Variants in BRSK1 observed in about 807,000 individuals in gnomAD.
BRSK1 encodes serine/threonine-protein kinase BRSK1.
Under a neutral mutation model 86.2 loss-of-function variants are expected in BRSK1, and 17 were observed. That is an observed-to-expected ratio of 0.20 (90% CI 0.14 to 0.30). The LOEUF (loss-of-function observed/expected upper bound fraction) is 0.30. Ranked by LOEUF, BRSK1 falls within the 10% of genes least tolerant of loss-of-function variation. The pLI is 1.00. For synonymous variants in BRSK1, 464 were observed against 440.1 expected (o/e 1.05, Z -0.68); for missense variants, 719 against 1,071.9 (o/e 0.67, Z 4.60).
In BRSK1 at chr19:55,284,348, C is replaced by A; in HGVS notation, c.-95C>A. The A allele has an allele frequency of 1.1e-6, 1 of 898,860 alleles. No homozygotes were observed. Among genetic ancestry groups the A allele is most frequent in the South Asian group, 5.5e-5 (1 of 18,274 alleles). The allele number at this position is 898,860 out of a possible 1,614,324, so 55.7% of individuals were successfully genotyped here. On this transcript the variant is annotated 5_prime_UTR_variant, in exon 1 of 19. Coordinates refer to ENST00000309383, the MANE Select transcript of BRSK1 (RefSeq NM_032430.2). ...AGAGGTGGGGGGCAGCCGGGGGGGC[C>A]GGGACGGAGCGGTCGCCGGCCCCCA...
intron 4 of BRSK1, 114 bp from the exon 5 acceptor site, chr19:55,293,903 C>T (rs1023411486): frequency 2.0e-5 from 16 of 787,228 alleles, no homozygotes; most frequent in Non-Finnish European, 3.2e-5. Context: ...AATGGTCTCT[C>T]ATCCCCTAAA....
chr19:55,301,451 TC>T lies in BRSK1; in HGVS notation c.679-59del. 4.5e-6 allele frequency: 7 copies of T among 1,570,102 alleles called. No homozygotes were observed. The East Asian group carries it at 1.6e-4, about 35-fold the overall frequency. On this transcript the variant is annotated intron_variant, in intron 7 of 18. Coordinates refer to ENST00000309383, the MANE Select transcript of BRSK1 (RefSeq NM_032430.2). ...GTGGAGATCACCGTAGTTCCCCACC[TC>T]CAGTGCTTGTGGTGAGGGTGAAATG...
In BRSK1 at chr19:55,303,244, T is replaced by C. The variant is rs1363505836; in HGVS notation, c.1029-67T>C. 1 of 1,283,310 alleles carries C rather than the reference T, an allele frequency of 7.8e-7. No homozygotes were observed. Among genetic ancestry groups the C allele is most frequent in the Non-Finnish European group, 1.1e-6 (1 of 880,724 alleles). 79.5% of individuals were successfully genotyped at this position (1,283,310 alleles called of 1,614,324 possible). On this transcript the variant is annotated intron_variant, in intron 10 of 18. Transcript: ENST00000309383. This position sits in a 1 kb window ranked among gnomAD's most constrained non-coding sequence, Gnocchi z 5.1. ...AATACAGGGAGCGGAGGAGACCTCC[T>C]CTGAGCATTGATGTTGGACCTCAGC... is the stretch of plus-strand genomic sequence containing the variant.
rs1327504655 is a variant in BRSK1, at chr19:55,310,133, CG to C, written c.2179+1406del. Among the ~76,000 whole-genome samples, 1 of 152,192 alleles carries C rather than the reference CG, an allele frequency of 6.6e-6. No individual in the cohort carries two copies. The highest frequency in any genetic ancestry group is 1.5e-5 in the Non-Finnish European group (1 of 68,032). ...CCCCGTGTTTGTTTTCTATGGCCGC[CG>C]TCAACAAATGACACAGCCTTGGTGG... On this transcript the variant is annotated intron_variant, in intron 18 of 18. Coordinates refer to ENST00000309383, the MANE Select transcript of BRSK1 (RefSeq NM_032430.2). This position sits in a 1 kb window ranked among gnomAD's most constrained non-coding sequence, Gnocchi z 5.0.
intron 3 of BRSK1, among the ~76,000 whole-genome samples, chr19:55,288,733 G>A (rs928844245): frequency 5.9e-5 from 9 of 151,812 alleles, no homozygotes; most frequent in African/African-American, 1.5e-4. Flanking sequence ...TTACAGGCAC[G>A]CACCACCACG....
In BRSK1 at chr19:55,284,251, C is replaced by T; in HGVS notation, c.-192C>T. The T allele has an allele frequency of 8.7e-6, 4 of 460,756 alleles. No homozygotes were observed. Among genetic ancestry groups the T allele is most frequent in the Non-Finnish European group, 6.9e-6 (2 of 288,978 alleles). The allele number at this position is 460,756 out of a possible 1,614,324, so 28.5% of individuals were successfully genotyped here. A position where few individuals can be genotyped will look rare whatever the true frequency, so the allele number is the denominator to read the frequency against. On this transcript the variant is annotated 5_prime_UTR_variant, in exon 1 of 19. Coordinates refer to ENST00000309383, the MANE Select transcript of BRSK1 (RefSeq NM_032430.2). ...ACTCCCGGGGCCTGACCCCCCCGGGCCAGCCCCCCCTCCCCCAGCTCCGCG... is the reference window on the plus strand; with the variant it reads ...ACTCCCGGGGCCTGACCCCCCCGGGTCAGCCCCCCCTCCCCCAGCTCCGCG...
chr19:55,301,870 G>C (rs1025722856), intron 8 of BRSK1, among the ~76,000 whole-genome samples: 86 of 152,226 alleles, frequency 5.6e-4, no homozygotes, highest in Non-Finnish European at 1.1e-3. Context: ...GCTCCAGGCA[G>C]CGGGAGGGCG....
chr19:55,292,228 A>G (rs1278870541), intron 4 of BRSK1, among the ~76,000 whole-genome samples: 2 of 152,106 alleles, frequency 1.3e-5, no homozygotes, highest in African/African-American at 4.8e-5. Flanking sequence ...CCAGACACCA[A>G]CCCTTAAACC....
At chr19:55,288,538 G>A (rs1436848786) in intron 3 of BRSK1, among the ~76,000 whole-genome samples, 2 of 151,752 alleles carry the variant, frequency 1.3e-5, no homozygotes, top group Non-Finnish European at 2.9e-5. Context: ...ATGGAAACTG[G>A]AACCCCGTGT....
chr19:55,284,096 G>A lies in BRSK1; in HGVS notation c.-347G>A, dbSNP rs1328577858. ...AGAGAGGGCGCGTGGGGGGGCGGGG[G>A]GGACCTCGGCCTGCAGCATCCGCCG... On this transcript the variant is annotated 5_prime_UTR_variant, in exon 1 of 19. Transcript: ENST00000309383. 7 of 391,064 alleles carry A rather than the reference G, an allele frequency of 1.8e-5. No homozygotes were observed. Among genetic ancestry groups the A allele is most frequent in the Non-Finnish European group, 2.6e-5 (6 of 226,940 alleles). 24.2% of individuals were successfully genotyped at this position (391,064 alleles called of 1,614,324 possible).
intron 8 of BRSK1, among the ~76,000 whole-genome samples, 159 bp downstream of exon 8, chr19:55,301,817 C>T (rs1164763828): frequency 6.6e-6 from 1 of 152,176 alleles, no homozygotes; most frequent in African/African-American, 2.4e-5. Context: ...GCACAGCTGC[C>T]GCTCCAAACT....
rs546174157 is a variant in BRSK1, at chr19:55,288,648, C to T, written c.318-832C>T. On this transcript the variant is annotated intron_variant, in intron 3 of 18. Transcript: ENST00000309383. ...TTGCCCAGGCTGGAGTGCAATGGCTCGATCTCGGCTCACCACAACCTCCAC... is the reference window on the plus strand; with the variant it reads ...TTGCCCAGGCTGGAGTGCAATGGCTTGATCTCGGCTCACCACAACCTCCAC... 2.0e-3 allele frequency among the ~76,000 whole-genome samples: 308 copies of T among 151,932 alleles called. 2 individuals carry two copies. The highest frequency in any genetic ancestry group is 6.3e-3 in the African/African-American group (263 of 41,420).
intron 18 of BRSK1, among the ~76,000 whole-genome samples, chr19:55,309,993 C>T (rs959996929): frequency 6.6e-6 from 1 of 152,140 alleles, no homozygotes; most frequent in African/African-American, 2.4e-5. Context: ...AGGAAACGGC[C>T]CAGCGTTGAG....
rs200027140 is a variant in BRSK1, at chr19:55,303,718, G to A, written c.1178G>A (p.Arg393Gln). 5.8e-5 allele frequency: 93 copies of A among 1,613,642 alleles called. No homozygotes were observed. In the Admixed American group the frequency reaches 1.4e-3, roughly 24 times the overall value. The change falls in exon 12 of 19, where the codon CGG becomes CAG. Residue 393 changes from arginine to glutamine, a missense_variant. Physicochemically the swap from Arg to Gln is conservative, Grantham distance 43. Around this residue, in one of 6 missense-constraint regions of BRSK1, gnomAD observed 168 missense variants for 246.3 expected, o/e 0.68. Coordinates refer to ENST00000309383, the MANE Select transcript of BRSK1 (RefSeq NM_032430.2). This position sits in a 1 kb window ranked among gnomAD's most constrained non-coding sequence, Gnocchi z 5.1. ...DSPMLSRHGK[R>Q]RPERKSMEVL... is the part of the protein sequence containing the mutation. ...CCCATGCTGAGCCGTCACGGGAAGC[G>A]GCGACCAGAGCGGAAGTCCATGGAA...
rs752332196 is a variant in BRSK1, at chr19:55,294,186, G to A, written c.576-28G>A. ...CTGGGCAGGGGTTTAGAAGCTGGCT[G>A]GAGGCTCACATCAGCTCTCTCCCTC... On this transcript the variant is annotated intron_variant, in intron 5 of 18. Transcript: ENST00000309383. The surrounding 1 kb of genome is among the most constrained non-coding windows in gnomAD (Gnocchi z 4.9). The A allele has an allele frequency of 1.2e-5, 20 of 1,612,234 alleles. No homozygotes were observed. Among genetic ancestry groups the A allele is most frequent in the Non-Finnish European group, 1.6e-5 (19 of 1,178,566 alleles).
At chr19:55,295,473 C>T (rs2088472999) in intron 7 of BRSK1, among the ~76,000 whole-genome samples, 1 of 152,172 alleles carries the variant, frequency 6.6e-6, no homozygotes, top group Non-Finnish European at 1.5e-5. Flanking sequence ...CATTAACCAA[C>T]AGACCAAGAT....
In BRSK1 at chr19:55,304,226, C is replaced by T; in HGVS notation, c.1347+116C>T. The T allele has an allele frequency of 8.7e-7, 1 of 1,154,242 alleles. No individual in the cohort carries two copies. Among genetic ancestry groups the T allele is most frequent in the Non-Finnish European group, 1.2e-6 (1 of 825,444 alleles). The allele number at this position is 1,154,242 out of a possible 1,614,324, so 71.5% of individuals were successfully genotyped here. A position where few individuals can be genotyped will look rare whatever the true frequency, so the allele number is the denominator to read the frequency against. On this transcript the variant is annotated intron_variant, in intron 13 of 18. Coordinates refer to ENST00000309383, the MANE Select transcript of BRSK1 (RefSeq NM_032430.2). The surrounding 1 kb of genome is among the most constrained non-coding windows in gnomAD (Gnocchi z 5.2). ...AGTCTTGAGACTTGCTTCTTTGTCC[C>T]TGGAGGGCCAAAGACCCAAGGCCTC...
At chr19:55,296,705 G>T (rs964066561) in intron 7 of BRSK1, among the ~76,000 whole-genome samples, 1 of 152,092 alleles carries the variant, frequency 6.6e-6, no homozygotes, top group Non-Finnish European at 1.5e-5. Context: ...AAAATTAGCC[G>T]GGAGTGGTGG....
At position 55,304,835 on chromosome 19, in the gene BRSK1, CG is replaced by C; in HGVS notation, c.1637del (p.Gly546GlufsTer37). 2 of 1,600,308 alleles carry C rather than the reference CG, an allele frequency of 1.2e-6. No homozygotes were observed. ...CACCCCCCAGCCCCGGCGGTGGCGT[CG>C]GGGGAGCCGCCTGGAGGAGTCGTCT... Reference protein sequence around the residue: ...TPPPSPGGGVGGAAWRSRLNS... With the variant: ...TPPPSPGGGVXGAAWRSRLNS... On this transcript the variant is annotated frameshift_variant, in exon 14 of 19. Transcript: ENST00000309383. LOFTEE classifies it high-confidence loss of function. The surrounding 1 kb of genome is among the most constrained non-coding windows in gnomAD (Gnocchi z 5.2).
Sources: allele counts gnomAD v4.1 joint callset (sites outside exome capture counted in the v4.1 genomes callset), GRCh38; gene constraint gnomAD v4.1.1; regional missense constraint gnomAD v4.1.1; non-coding constraint Gnocchi (gnomAD v3.1); transcripts MANE v1.5; gene names NCBI Gene and HGNC (gene_info 2026-07-23, HGNC 2026-07-21).